The following BCAS3 variants were observed in gnomAD, a reference collection of about 807,000 sequenced individuals.
The protein encoded by BCAS3 is BCAS3 microtubule associated cell migration factor, also known as BCAS4/BCAS3 fusion.
BCAS3 carries 53 observed loss-of-function variants against 116.1 expected under a neutral mutation model. The observed-to-expected ratio is 0.46, with a 90% confidence interval of 0.37 to 0.57. The LOEUF (loss-of-function observed/expected upper bound fraction) is 0.57, where lower values mean the gene tolerates loss of function less well. BCAS3 is among the 20% of genes least tolerant of loss of function. The probability of loss-of-function intolerance (pLI) is 0.00; values close to 1 mark genes in which losing one functional copy is unlikely to be tolerated. For synonymous variants in BCAS3, 391 were observed against 408.2 expected (o/e 0.96, Z 0.51); for missense variants, 917 against 1,165.4 (o/e 0.79, Z 3.10).
At position 60,677,901 on chromosome 17, in the gene BCAS3, C is replaced by A. The variant is rs117023868; in HGVS notation, c.-19C>A. 0.051 allele frequency: 7,819 copies of A among 153,612 alleles called. 299 individuals carry two copies. The highest frequency in any genetic ancestry group is 0.074 in the Non-Finnish European group (5,086 of 68,686). The allele number at this position is 153,612 out of a possible 1,614,324, so 9.5% of individuals were successfully genotyped here. On this transcript the variant is annotated 5_prime_UTR_variant, in exon 1 of 24. Transcript: ENST00000407086. ...CCTAGAGCTGGAGACTAGCGTTAAC[C>A]GGCGGGGCGGCCGGTGAGAGGGCTG...
In BCAS3 at chr17:61,387,404, C is replaced by A. The variant is rs562118767; in HGVS notation, c.2594-4573C>A. ...TTCTCTCTAAAAAGGCCAGTCCCCT[C>A]TTTCTGCCCCCTCTGACACCTCTGA... On this transcript the variant is annotated intron_variant, in intron 23 of 23. Coordinates refer to ENST00000407086, the MANE Select transcript of BCAS3 (RefSeq NM_017679.5). This position sits in a 1 kb window ranked among gnomAD's most constrained non-coding sequence, Gnocchi z 6.2. Among the ~76,000 whole-genome samples the A allele has an allele frequency of 4.7e-4, 72 of 152,342 alleles. No individual in the cohort carries two copies. Among genetic ancestry groups the A allele is most frequent in the Non-Finnish European group, 7.8e-4 (53 of 68,026 alleles).
chr17:61,318,220 C>T (rs2054906078), intron 22 of BCAS3, among the ~76,000 whole-genome samples: 1 of 152,218 alleles, frequency 6.6e-6, no homozygotes, highest in Non-Finnish European at 1.5e-5. Context: ...ATCAGCTCTT[C>T]ATTTAAGATA....
At chr17:60,842,783 A>G (rs962650438) in intron 7 of BCAS3, among the ~76,000 whole-genome samples, 4 of 151,752 alleles carry the variant, frequency 2.6e-5, no homozygotes, top group African/African-American at 9.7e-5. Context: ...GAATTCCTCC[A>G]TATTTACAGG....
chr17:60,922,624 A>G (rs1338030741), intron 12 of BCAS3, among the ~76,000 whole-genome samples: 1 of 152,208 alleles, frequency 6.6e-6, no homozygotes, highest in African/African-American at 2.4e-5. Context: ...TTCTAACTTG[A>G]CCACCCAAAA....
intron 22 of BCAS3, among the ~76,000 whole-genome samples, chr17:61,221,194 T>A (rs2082091761): frequency 6.6e-6 from 1 of 152,232 alleles, no homozygotes; most frequent in Non-Finnish European, 1.5e-5. Flanking sequence ...TACATCACTT[T>A]CCCTTTCAGG....
chr17:61,176,972 G>A (rs2079189011), intron 22 of BCAS3, among the ~76,000 whole-genome samples: 2 of 152,140 alleles, frequency 1.3e-5, no homozygotes, highest in East Asian at 3.9e-4. Context: ...TTAGTCCTTA[G>A]AGATTTGCAA....
chr17:60,783,187 A>G (rs2045979045), intron 6 of BCAS3, among the ~76,000 whole-genome samples: 1 of 152,092 alleles, frequency 6.6e-6, no homozygotes, highest in Non-Finnish European at 1.5e-5. Context: ...TTTTTCAATC[A>G]ACAGTTTGTT....
chr17:60,739,615 T>C (rs952594882), intron 5 of BCAS3, among the ~76,000 whole-genome samples: 1 of 151,608 alleles, frequency 6.6e-6, no homozygotes, highest in Non-Finnish European at 1.5e-5. Context: ...AGCAAAACTC[T>C]GTCTGAAAAA....
intron 22 of BCAS3, among the ~76,000 whole-genome samples, chr17:61,234,390 T>A (rs1348720171): frequency 1.3e-5 from 2 of 152,222 alleles, no homozygotes; most frequent in Non-Finnish European, 2.9e-5. Flanking sequence ...AGGTCTGAAG[T>A]ACTCTGTTTT....
chr17:61,329,974 T>C (rs184965123), intron 22 of BCAS3, among the ~76,000 whole-genome samples: 4 of 152,236 alleles, frequency 2.6e-5, no homozygotes, highest in African/African-American at 9.6e-5. Flanking sequence ...AATATAAAAA[T>C]GAAGAAGACA....
At position 61,309,604 on chromosome 17, in the gene BCAS3, A is replaced by T. The variant is rs181693111; in HGVS notation, c.2426-58723A>T. On this transcript the variant is annotated intron_variant, in intron 22 of 23. Transcript: ENST00000407086. The surrounding 1 kb of genome is among the most constrained non-coding windows in gnomAD (Gnocchi z 4.6). The stretch of plus-strand genomic sequence containing the variant: ...TTTTCCCTGAGAAAGAACAGTTTCT[A>T]TCTCGAGTATTGCCTCCTTTCCTGA... Among the ~76,000 whole-genome samples, 1 of 152,312 alleles carries T rather than the reference A, an allele frequency of 6.6e-6. No homozygotes were observed. Among genetic ancestry groups the T allele is most frequent in the East Asian group, 1.9e-4 (1 of 5,180 alleles).
At chr17:61,179,750 G>GA (rs1568519619) in intron 22 of BCAS3, among the ~76,000 whole-genome samples, 1 of 152,080 alleles carries the variant, frequency 6.6e-6, no homozygotes, top group Non-Finnish European at 1.5e-5. Flanking sequence ...CAGAAAGACC[G>GA]AATCTGTCTG....
rs181677714 is a variant in BCAS3, at chr17:60,994,630, C to G, written c.1486+4395C>G. 1.4e-4 allele frequency among the ~76,000 whole-genome samples: 21 copies of G among 152,290 alleles called. No homozygotes were observed. The highest frequency in any genetic ancestry group is 2.6e-4 in the Non-Finnish European group (18 of 68,020). ...GGTTAGAAAATGTCCTATCTTATTT[C>G]CAGCTTCTTGTCTAACCATACCTAG... On this transcript the variant is annotated intron_variant, in intron 15 of 23. Transcript: ENST00000407086. The surrounding 1 kb of genome is among the most constrained non-coding windows in gnomAD (Gnocchi z 4.4).
At chr17:61,062,118 C>T (rs950247374) in intron 19 of BCAS3, among the ~76,000 whole-genome samples, 4 of 152,122 alleles carry the variant, frequency 2.6e-5, no homozygotes, top group Admixed American at 6.5e-5. Context: ...TGGTGTGCTG[C>T]ACCATCTGTA....
chr17:60,819,787 A>G (rs2049763938), intron 7 of BCAS3, among the ~76,000 whole-genome samples: 1 of 149,662 alleles, frequency 6.7e-6, no homozygotes, highest in African/African-American at 2.5e-5. Context: ...TTTCTGAGAC[A>G]GGATCTTACT....
intron 22 of BCAS3, among the ~76,000 whole-genome samples, chr17:61,322,822 GAGAGAGAC>G (rs1568850372): frequency 3.2e-5 from 4 of 125,262 alleles, no homozygotes; most frequent in Admixed American, 8.4e-5. Context: ...GAGAGAGAGA[GAGAGAGAC>G]AGAGAGAGAG....
chr17:60,773,410 G>C (rs1423832493), intron 6 of BCAS3, among the ~76,000 whole-genome samples: 1 of 148,468 alleles, frequency 6.7e-6, no homozygotes, highest in African/African-American at 2.5e-5. Flanking sequence ...TCCCAACTCA[G>C]CCTTCCCAAG....
Position 61,202,352 on chromosome 17 carries a change from C to T in BCAS3, c.2425+117788C>T, listed in dbSNP as rs189762588. Among the ~76,000 whole-genome samples, 16 of 151,952 alleles carry T rather than the reference C, an allele frequency of 1.1e-4. No individual in the cohort carries two copies. The South Asian group carries it at 2.3e-3, about 22-fold the overall frequency. On this transcript the variant is annotated intron_variant, in intron 22 of 23. Transcript: ENST00000407086. ...AACTGATGAGATCTGAAACGATTTGCGCAATCTATCACAGCGAATAAGGTT... is the reference window on the plus strand; with the variant it reads ...AACTGATGAGATCTGAAACGATTTGTGCAATCTATCACAGCGAATAAGGTT...
At chr17:60,963,369 A>G (rs1463628938) in intron 14 of BCAS3, among the ~76,000 whole-genome samples, 73 of 152,098 alleles carry the variant, frequency 4.8e-4, no homozygotes, top group Admixed American at 4.8e-3. Context: ...AGCATGGAAT[A>G]TCTTTCCATT....
Sources: gnomAD v4.1 joint callset for allele counts (sites outside exome capture counted in the v4.1 genomes callset) on GRCh38, gnomAD v4.1.1 for gene constraint, Gnocchi (gnomAD v3.1) non-coding constraint, MANE v1.5 for transcripts, NCBI Gene and HGNC (gene_info 2026-07-23, HGNC 2026-07-21) for gene names.